ZNF407: variants seen among roughly 807,000 people sequenced by gnomAD.
The protein encoded by ZNF407 is zinc finger protein 407.
ZNF407 carries 17 observed loss-of-function variants against 131.2 expected under a neutral mutation model. The ratio of observed to expected loss-of-function variants is 0.13; its 90% CI spans 0.09 to 0.19. ZNF407 has a LOEUF of 0.19. Among genes scored for constraint, ZNF407 ranks in the 10% least tolerant of loss-of-function variants. ZNF407 has a pLI of 1.00. For synonymous variants in ZNF407, 1,156 were observed against 1,062.0 expected (o/e 1.09, Z -1.72); for missense variants, 2,681 against 2,830.6 (o/e 0.95, Z 1.20).
chr18:74,904,651 GT>G (rs1971571968), intron 7 of ZNF407, among the ~76,000 whole-genome samples: 1 of 152,182 alleles, frequency 6.6e-6, no homozygotes, highest in Admixed American at 6.5e-5. Flanking sequence ...GGAGTGGAGG[GT>G]AGAAAGGAAG....
At chr18:74,847,825 A>G (rs1468949594) in intron 4 of ZNF407, among the ~76,000 whole-genome samples, 3 of 151,358 alleles carry the variant, frequency 2.0e-5, no homozygotes, top group East Asian at 1.9e-4. Flanking sequence ...TGTTTATTCT[A>G]TGATATGTAT....
intron 3 of ZNF407, among the ~76,000 whole-genome samples, chr18:74,755,728 C>T (rs377361800): frequency 1.6e-3 from 104 of 63,482 alleles, no homozygotes; most frequent in African/African-American, 6.6e-3. Context: ...TTCTTTCTTT[C>T]CTTTCTTTCT....
rs115454396 is a variant in ZNF407 at position 75,029,698 on chromosome 18, C to T, written c.5429-33452C>T. Among the ~76,000 whole-genome samples, 432 of 152,348 alleles carry T rather than the reference C, an allele frequency of 2.8e-3. 1 individual carries two copies. The highest frequency in any genetic ancestry group is 9.5e-3 in the African/African-American group (397 of 41,574). ...AAGTGCTTCGTTTCTTCAGCTCGTGCAGGTGCTAGTTGTAGCATGTGACTT... is the reference window on the plus strand; with the variant it reads ...AAGTGCTTCGTTTCTTCAGCTCGTGTAGGTGCTAGTTGTAGCATGTGACTT... On this transcript the variant is annotated intron_variant, in intron 8 of 8. Coordinates refer to ENST00000299687, the MANE Select transcript of ZNF407 (RefSeq NM_017757.3).
At chr18:74,914,369 T>C (rs1221642433) in intron 7 of ZNF407, among the ~76,000 whole-genome samples, 3 of 152,202 alleles carry the variant, frequency 2.0e-5, no homozygotes, top group Non-Finnish European at 4.4e-5. Context: ...GTAGCTTTTC[T>C]CTGTGTTGAC....
chr18:74,837,694 C>T (rs562254292), intron 4 of ZNF407, among the ~76,000 whole-genome samples: 1 of 152,128 alleles, frequency 6.6e-6, no homozygotes, highest in South Asian at 2.1e-4. Flanking sequence ...CACTGTGTCA[C>T]CCAGGCTGGA....
intron 3 of ZNF407, among the ~76,000 whole-genome samples, chr18:74,642,587 C>T (rs1233512836): frequency 2.0e-5 from 3 of 152,090 alleles, no homozygotes; most frequent in Admixed American, 6.6e-5. Flanking sequence ...AAGCTTTTCA[C>T]AGAACAGTTT....
intron 2 of ZNF407, among the ~76,000 whole-genome samples, chr18:74,638,001 A>G (rs1158913257): frequency 6.6e-6 from 1 of 152,230 alleles, no homozygotes; most frequent in Non-Finnish European, 1.5e-5. Flanking sequence ...GCAGGACTAA[A>G]AAACTTCGTT....
chr18:74,603,575 G>C (rs953273211), intron 1 of ZNF407, among the ~76,000 whole-genome samples: 6 of 152,256 alleles, frequency 3.9e-5, no homozygotes, highest in African/African-American at 1.4e-4. Context: ...CATAAATTCT[G>C]TACCGAGGAA....
chr18:74,604,900 G>C (rs1002884983), intron 1 of ZNF407, among the ~76,000 whole-genome samples: 1 of 151,926 alleles, frequency 6.6e-6, no homozygotes, highest in Admixed American at 6.6e-5. Flanking sequence ...GATATTTATA[G>C]TTCATGCATA....
chr18:74,920,711 G>T lies in ZNF407; in HGVS notation c.5428+19G>T. ...CATGCTGGTAAGGGACAGAAACTGTGAAAACTTGTTTCTAACAGGATTTCA... is the reference window on the plus strand; with the variant it reads ...CATGCTGGTAAGGGACAGAAACTGTTAAAACTTGTTTCTAACAGGATTTCA... On this transcript the variant is annotated intron_variant, in intron 8 of 8. Coordinates refer to ENST00000299687, the MANE Select transcript of ZNF407 (RefSeq NM_017757.3). The T allele has an allele frequency of 1.2e-5, 19 of 1,581,342 alleles. No homozygotes were observed. Among genetic ancestry groups the T allele is most frequent in the Non-Finnish European group, 1.6e-5 (19 of 1,155,580 alleles).
At chr18:74,763,438 C>A (rs9950498) in intron 3 of ZNF407, among the ~76,000 whole-genome samples, 1 of 150,926 alleles carries the variant, frequency 6.6e-6, no homozygotes, top group African/African-American at 2.4e-5. Flanking sequence ...TCCATGTAGT[C>A]CAATTTATAC....
intron 3 of ZNF407, among the ~76,000 whole-genome samples, chr18:74,649,850 A>G (rs557409736): frequency 1.3e-5 from 2 of 152,360 alleles, no homozygotes; most frequent in African/African-American, 4.8e-5. Context: ...TAATTAATTG[A>G]TCAACATTCG....
At chr18:74,948,975 A>C (rs1972184502) in intron 8 of ZNF407, among the ~76,000 whole-genome samples, 1 of 152,226 alleles carries the variant, frequency 6.6e-6, no homozygotes, top group African/African-American at 2.4e-5. Context: ...AAGAAAGGAC[A>C]ATCTAAAGCT....
chr18:74,800,133 T>C (rs1475090009), intron 4 of ZNF407, among the ~76,000 whole-genome samples: 1 of 151,970 alleles, frequency 6.6e-6, no homozygotes, highest in African/African-American at 2.4e-5. Context: ...ATTTTTAAAG[T>C]CATGGAATAA....
chr18:74,629,218 T>C (rs573211761), intron 1 of ZNF407, among the ~76,000 whole-genome samples: 2 of 152,364 alleles, frequency 1.3e-5, no homozygotes, highest in South Asian at 4.1e-4. Flanking sequence ...TTGCCAACGC[T>C]TGTTATCTGA....
intron 8 of ZNF407, among the ~76,000 whole-genome samples, chr18:74,993,794 C>A (rs1352460253): frequency 6.6e-6 from 1 of 152,148 alleles, no homozygotes; most frequent in Admixed American, 6.5e-5. Context: ...GGTGAACACT[C>A]CTTTGGGTAT....
intron 8 of ZNF407, among the ~76,000 whole-genome samples, chr18:75,044,324 TTTTC>T (rs1327053008): frequency 5.9e-5 from 9 of 152,090 alleles, no homozygotes; most frequent in Admixed American, 1.3e-4. Flanking sequence ...GTTGGGTTTT[TTTTC>T]TTTCTTTTTT....
chr18:75,041,863 C>T lies in ZNF407; in HGVS notation c.5429-21287C>T, dbSNP rs534022620. ...AAATGTCAATACAAACACCAGCGAC[C>T]GCCTCCGATGTCACAAATGTCAATA... On this transcript the variant is annotated intron_variant, in intron 8 of 8. Coordinates refer to ENST00000299687, the MANE Select transcript of ZNF407 (RefSeq NM_017757.3). 1.1e-4 allele frequency among the ~76,000 whole-genome samples: 16 copies of T among 152,280 alleles called. No homozygotes were observed. In the South Asian group the frequency reaches 2.7e-3, roughly 26 times the overall value.
chr18:74,909,905 T>C (rs1177924607), intron 7 of ZNF407, among the ~76,000 whole-genome samples: 1 of 152,196 alleles, frequency 6.6e-6, no homozygotes, highest in Non-Finnish European at 1.5e-5. Flanking sequence ...AGTTTTTCCT[T>C]TCTAAAAAAG....
Sources: gnomAD v4.1 joint callset for allele counts (sites outside exome capture counted in the v4.1 genomes callset) on GRCh38, gnomAD v4.1.1 for gene constraint, MANE v1.5 for transcripts, NCBI Gene and HGNC (gene_info 2026-07-23, HGNC 2026-07-21) for gene names.